The following TOP1MT variants were observed in gnomAD, a reference collection of about 807,000 sequenced individuals.
The protein encoded by TOP1MT is DNA topoisomerase I, mitochondrial.
Under a neutral mutation model 73.9 loss-of-function variants are expected in TOP1MT, and 80 were observed. The ratio of observed to expected loss-of-function variants is 1.08; its 90% CI spans 0.90 to 1.30. TOP1MT has a LOEUF of 1.30. TOP1MT is among the 50% of genes most tolerant of loss of function. The pLI is 0.00. For synonymous variants in TOP1MT, 338 were observed against 326.4 expected (o/e 1.04, Z -0.38); for missense variants, 815 against 808.0 (o/e 1.01, Z -0.10).
At position 143,309,499 on chromosome 8, in the gene TOP1MT, G is replaced by A; in HGVS notation, c.1748C>T (p.Thr583Ile). 1 of 1,614,066 alleles carries A rather than the reference G, an allele frequency of 6.2e-7. No homozygotes were observed. Among genetic ancestry groups the A allele is most frequent in the Middle Eastern group, 1.6e-4 (1 of 6,062 alleles). Residue 583 changes from threonine to isoleucine, a missense_variant, in exon 14 of 14, where the codon ACA becomes ATA. Thr to Ile is a moderately conservative substitution (Grantham distance 89). Coordinates refer to ENST00000329245, the MANE Select transcript of TOP1MT (RefSeq NM_052963.3). ...RVPVEKIYSK[T>I]QRERFAWALA... is the part of the protein sequence containing the mutation. ...AGCCCAGGCGAACCTCTCCCGCTGT[G>A]TTTTGCTGTAGATCTTCTCCACTGG...
At chr8:143,323,051 G>A (rs371434349) in intron 7 of TOP1MT, among the ~76,000 whole-genome samples, 10 of 104,068 alleles carry the variant, frequency 9.6e-5, no homozygotes, top group Admixed American at 3.5e-4. Flanking sequence ...ACACAGGCAC[G>A]CCACACACAG....
upstream of TOP1MT, among the ~76,000 whole-genome samples, chr8:143,346,650 T>C (rs1384109174): frequency 6.6e-6 from 1 of 152,132 alleles, no homozygotes; most frequent in Non-Finnish European, 1.5e-5. Flanking sequence ...GGGGATGTAT[T>C]TTAGTCCATT....
At position 143,316,828 on chromosome 8, in the gene TOP1MT, G is replaced by T. The variant is rs1429316611; in HGVS notation, c.1331-702C>A. ...CAGCTCTGGAAGCACGTCCACAGTG[G>T]GCCCAGCACCTTCATTTCCTCTCCC... On this transcript the variant is annotated intron_variant, in intron 10 of 13. Transcript: ENST00000329245. Among the ~76,000 whole-genome samples, 8 of 152,180 alleles carry T rather than the reference G, an allele frequency of 5.3e-5. No homozygotes were observed. In the East Asian group the frequency reaches 5.8e-4, roughly 11 times the overall value.
Position 143,309,533 on chromosome 8 carries a change from A to G in TOP1MT, c.1714T>C (p.Phe572Leu), listed in dbSNP as rs567026188. The G allele has an allele frequency of 1.2e-5, 19 of 1,613,730 alleles. No homozygotes were observed. The South Asian group carries it at 1.9e-4, about 16-fold the overall frequency. The change falls in exon 14 of 14, where the codon TTC (phenylalanine) becomes CTC (leucine). Residue 572 changes from phenylalanine to leucine, a missense_variant. By Grantham distance (22) the Phe-to-Leu change is conservative. Around this residue, in one of 3 missense-constraint regions of TOP1MT, gnomAD observed 751 missense variants for 725.4 expected, o/e 1.04. Coordinates refer to ENST00000329245, the MANE Select transcript of TOP1MT (RefSeq NM_052963.3). Reference protein sequence around the residue: ...PRISIAWCKRFRVPVEKIYSK... With the variant: ...PRISIAWCKRLRVPVEKIYSK... ...TAGATCTTCTCCACTGGCACCCTGA[A>G]CCGCTTGCACCTGCGGGAGGCAGCA...
chr8:143,341,810 G>A lies in TOP1MT; in HGVS notation c.29+1410C>T, dbSNP rs1158652335. On this transcript the variant is annotated intron_variant, in intron 2 of 5. Coordinates refer to the TOP1MT transcript ENST00000518007. The surrounding 1 kb of genome is among the most constrained non-coding windows in gnomAD (Gnocchi z 4.1). ...TATCCCGACACCACTGCCCCATCTAGTGCTTCCTTCTTCCTTCTTCTTCCT... is the reference window on the plus strand; with the variant it reads ...TATCCCGACACCACTGCCCCATCTAATGCTTCCTTCTTCCTTCTTCTTCCT... Among the ~76,000 whole-genome samples, 1 of 151,676 alleles carries A rather than the reference G, an allele frequency of 6.6e-6. No individual in the cohort carries two copies. The highest frequency in any genetic ancestry group is 1.9e-4 in the East Asian group (1 of 5,190).
chr8:143,309,832 C>A (rs1427436200), intron 13 of TOP1MT: 3 of 1,534,176 alleles, frequency 2.0e-6, no homozygotes, highest in South Asian at 1.2e-5. Context: ...CCTCCTGATG[C>A]CTCCGAGTCC....
intron 11 of TOP1MT, 87 bp from the exon 12 acceptor site, chr8:143,315,908 C>G (rs1816146053): frequency 6.2e-7 from 1 of 1,607,452 alleles, no homozygotes; most frequent in Non-Finnish European, 8.5e-7. Context: ...TACGTGCCCA[C>G]CGCAGCTGGC....
chr8:143,318,713 T>C (rs1270546891), intron 8 of TOP1MT, among the ~76,000 whole-genome samples: 1 of 151,820 alleles, frequency 6.6e-6, no homozygotes, highest in Non-Finnish European at 1.5e-5. Flanking sequence ...ATGGCAGCCC[T>C]CCCTCACCAG....
Position 143,355,460 on chromosome 8 carries a change from A to G in TOP1MT, c.-39+505T>C, listed in dbSNP as rs1352687386. The G allele has an allele frequency of 2.0e-5, 3 of 152,338 alleles. No homozygotes were observed. In the East Asian group the frequency reaches 5.8e-4, roughly 29 times the overall value. 9.4% of individuals were successfully genotyped at this position (152,338 alleles called of 1,614,324 possible). A position where few individuals can be genotyped will look rare whatever the true frequency, so the allele number is the denominator to read the frequency against. On this transcript the variant is annotated intron_variant, in intron 1 of 5. Coordinates refer to the TOP1MT transcript ENST00000518760. ...CTGCGGGACACAGAAAGCTATTTAC[A>G]TGATTATCTGACACAAGAAAGCAGG...
At chr8:143,335,299 T>G (rs1432003978), upstream of TOP1MT, among the ~76,000 whole-genome samples, 1 of 152,166 alleles carries the variant, frequency 6.6e-6, no homozygotes, top group African/African-American at 2.4e-5. Context: ...CCACACAGGC[T>G]CAGATGGCCC....
At chr8:143,316,781 C>T (rs993283366) in intron 10 of TOP1MT, among the ~76,000 whole-genome samples, 2 of 152,238 alleles carry the variant, frequency 1.3e-5, no homozygotes, top group Admixed American at 6.5e-5. Flanking sequence ...CACTCCTTCA[C>T]GCCCATCCTG....
chr8:143,310,569 G>A lies in TOP1MT; in HGVS notation c.1554-352C>T, dbSNP rs1002206739. 15 of 189,844 alleles carry A rather than the reference G, an allele frequency of 7.9e-5. No individual in the cohort carries two copies. In the East Asian group the frequency reaches 8.1e-4, roughly 10 times the overall value. The allele number at this position is 189,844 out of a possible 1,614,324, so 11.8% of individuals were successfully genotyped here. A position where few individuals can be genotyped will look rare whatever the true frequency, so the allele number is the denominator to read the frequency against. On this transcript the variant is annotated intron_variant, in intron 12 of 13. Coordinates refer to ENST00000329245, the MANE Select transcript of TOP1MT (RefSeq NM_052963.3). ...CAAACACAAATGTCCTTTAACCTCCGGGAAGCCGCTAAGCCCTCCTTCCTG... is the reference window on the plus strand; with the variant it reads ...CAAACACAAATGTCCTTTAACCTCCAGGAAGCCGCTAAGCCCTCCTTCCTG...
intron 1 of TOP1MT, among the ~76,000 whole-genome samples, chr8:143,353,883 G>A (rs1253747874): frequency 3.9e-5 from 5 of 129,536 alleles, no homozygotes; most frequent in Admixed American, 2.0e-4. Context: ...AGGATCGCTT[G>A]AATCCAGGAG....
intron 1 of TOP1MT, among the ~76,000 whole-genome samples, chr8:143,351,914 T>A (rs1023553500): frequency 6.6e-6 from 1 of 152,176 alleles, no homozygotes; most frequent in East Asian, 1.9e-4. Flanking sequence ...AGAAACCCCC[T>A]CTCTATTAAA....
chr8:143,329,820 G>A (rs1271650943), intron 2 of TOP1MT, among the ~76,000 whole-genome samples: 2 of 152,188 alleles, frequency 1.3e-5, no homozygotes, highest in Non-Finnish European at 2.9e-5. Flanking sequence ...AATTTCACAA[G>A]TAAAATAAAA....
intron 6 of TOP1MT, 100 bp downstream of exon 6, chr8:143,324,385 T>G: frequency 6.4e-7 from 1 of 1,560,766 alleles, no homozygotes; most frequent in South Asian, 1.1e-5. Context: ...TCCCAGCCCA[T>G]CTCAGAAGCC....
chr8:143,316,450 G>C (rs1266773459), intron 10 of TOP1MT, among the ~76,000 whole-genome samples: 1 of 151,492 alleles, frequency 6.6e-6, no homozygotes, highest in Non-Finnish European at 1.5e-5. Flanking sequence ...CCCAGCACCC[G>C]GCTTCCCCTG....
At chr8:143,345,829 C>T (rs991182814), upstream of TOP1MT, among the ~76,000 whole-genome samples, 6 of 152,220 alleles carry the variant, frequency 3.9e-5, no homozygotes, top group Non-Finnish European at 5.9e-5. Context: ...TATTGCATTG[C>T]TTTTCAAACA....
chr8:143,331,187 G>T, intron 2 of TOP1MT, 37 bp downstream of exon 2: 1 of 1,533,778 alleles, frequency 6.5e-7, no homozygotes. Flanking sequence ...AGGGAACCAA[G>T]CGCAGGCTGG....
Sources: gnomAD v4.1 joint callset for allele counts (sites outside exome capture counted in the v4.1 genomes callset) on GRCh38, gnomAD v4.1.1 for gene constraint, gnomAD v4.1.1 regional missense constraint, Gnocchi (gnomAD v3.1) non-coding constraint, MANE v1.5 for transcripts, NCBI Gene and HGNC (gene_info 2026-07-23, HGNC 2026-07-21) for gene names.